The following FILIP1 variants were observed in gnomAD, a reference collection of about 807,000 sequenced individuals.
FILIP1 encodes the protein filamin-A-interacting protein 1.
FILIP1 carries 61 observed loss-of-function variants against 102.1 expected under a neutral mutation model. The observed-to-expected ratio is 0.60, with a 90% CI of 0.49 to 0.74. FILIP1 has a LOEUF of 0.74. FILIP1 is among the 30% of genes least tolerant of loss of function. The pLI is 0.00. For synonymous variants in FILIP1, 491 were observed against 526.9 expected, an observed-to-expected ratio of 0.93 and a Z score of 0.93; for missense variants, 1,314 against 1,441.2, an observed-to-expected ratio of 0.91 and a Z score of 1.43.
chr6:75,442,082 C>T lies in FILIP1; in HGVS notation c.-6-27104G>A, dbSNP rs533843247. 6.6e-5 allele frequency among the ~76,000 whole-genome samples: 10 copies of T among 151,306 alleles called. No homozygotes were observed. In the East Asian group the frequency reaches 7.9e-4, roughly 12 times the overall value. Reference sequence around the variant, plus strand: ...GGGGCTCCTCACTTCTCAGACGGGGCGGCCGGGCAGAGACGCTCCTCACCT... The same window carrying T: ...GGGGCTCCTCACTTCTCAGACGGGGTGGCCGGGCAGAGACGCTCCTCACCT... On this transcript the variant is annotated intron_variant, in intron 1 of 5. Coordinates refer to ENST00000237172, the MANE Select transcript of FILIP1 (RefSeq NM_015687.5).
chr6:75,295,915 T>C, exon 7 of FILIP1: 8 of 1,457,494 alleles, frequency 5.5e-6, no homozygotes, highest in Non-Finnish European at 7.2e-6. Context: ...CCATTTCATC[T>C]GGAGTTCATT....
chr6:75,372,785 A>AGAAG lies in FILIP1; in HGVS notation c.277-9869_277-9868insCTTC, dbSNP rs1775617253. Among the ~76,000 whole-genome samples the AGAAG allele has an allele frequency of 5.1e-5, 4 of 78,302 alleles. 1 individual carries two copies. The highest frequency in any genetic ancestry group is 1.1e-4 in the African/African-American group (2 of 18,108). 51.4% of individuals were successfully genotyped at this position (78,302 alleles called of 152,430 possible). On this transcript the variant is annotated intron_variant, in intron 2 of 5. Coordinates refer to ENST00000237172, the MANE Select transcript of FILIP1 (RefSeq NM_015687.5). ...AAGAAAGAAAGAAAGAAAGAAAGAA[A>AGAAG]GAAAGAAAGAAGGAAAGAAAGAAAG...
intron 2 of FILIP1, among the ~76,000 whole-genome samples, chr6:75,390,320 T>C (rs1434891195): frequency 3.9e-5 from 6 of 152,228 alleles, no homozygotes. Flanking sequence ...TCAGATAATA[T>C]TAATTATATC....
Position 75,314,450 on chromosome 6 carries a change from T to A in FILIP1, c.1382A>T (p.Asn461Ile). The change falls in exon 5 of 6, where the codon AAC becomes ATC. Residue 461 changes from asparagine to isoleucine, a missense_variant. Coordinates refer to ENST00000237172, the MANE Select transcript of FILIP1 (RefSeq NM_015687.5). ...TTCATTTAGCAGGTCTTTGGTTAAGTTCTTTTCTTTCTCCAGATTTAAATG... is the reference window on the plus strand; with the variant it reads ...TTCATTTAGCAGGTCTTTGGTTAAGATCTTTTCTTTCTCCAGATTTAAATG... ...QLHLNLEKEKNLTKDLLNELE... is the reference protein window; with the variant it reads ...QLHLNLEKEKILTKDLLNELE... The A allele has an allele frequency of 6.3e-7, 1 of 1,583,450 alleles. No individual in the cohort carries two copies. The highest frequency in any genetic ancestry group is 1.2e-5 in the South Asian group (1 of 84,386).
In FILIP1 at chr6:75,485,297, T is replaced by A. The variant is rs75899469; in HGVS notation, c.-7+8117A>T. ...AAACAGTATATTTGCTTCAGGAAGA[T>A]GTTTAGCCTGTCAGGTGAGTAGCAG... On this transcript the variant is annotated intron_variant, in intron 1 of 5. Transcript: ENST00000237172. Among the ~76,000 whole-genome samples the A allele has an allele frequency of 8.9e-3, 1,349 of 152,322 alleles. 50 individuals are homozygous for A. In the East Asian group the frequency reaches 0.12, roughly 14 times the overall value.
chr6:75,360,065 C>G lies in FILIP1; in HGVS notation c.450+2679G>C, dbSNP rs200589586. On this transcript the variant is annotated intron_variant, in intron 3 of 5. Transcript: ENST00000237172. The stretch of plus-strand genomic sequence containing the variant: ...CCTGCAGACAGGCTCCACCTAACCT[C>G]GAGCTTGCCATTTCCCATAATTATT... 9.6e-4 allele frequency among the ~76,000 whole-genome samples: 146 copies of G among 152,292 alleles called. 2 individuals are homozygous for G. In the East Asian group the frequency reaches 0.014, roughly 14 times the overall value.
rs552904391 is a variant in FILIP1 at position 75,373,787 on chromosome 6, T to A, written c.277-10870A>T. 2.6e-5 allele frequency among the ~76,000 whole-genome samples: 4 copies of A among 152,274 alleles called. No individual in the cohort carries two copies. The East Asian group carries it at 7.7e-4, about 29-fold the overall frequency. ...ACTGTAGGAAGCTGAGGCTGGTGGA[T>A]TTCTTGAGCCCAGGAGTTCAAGACC... On this transcript the variant is annotated intron_variant, in intron 2 of 5. Coordinates refer to ENST00000237172, the MANE Select transcript of FILIP1 (RefSeq NM_015687.5).
At chr6:75,417,837 T>G (rs948144369) in intron 1 of FILIP1, among the ~76,000 whole-genome samples, 2 of 152,192 alleles carry the variant, frequency 1.3e-5, no homozygotes, top group African/African-American at 4.8e-5. Flanking sequence ...TCCTTACGGC[T>G]TTCCTCGAAG....
chr6:75,428,935 T>G (rs1489669039), intron 1 of FILIP1, among the ~76,000 whole-genome samples: 2 of 152,180 alleles, frequency 1.3e-5, no homozygotes, highest in Admixed American at 6.5e-5. Context: ...TAGCTACATT[T>G]AGCTGGAGTT....
chr6:75,312,843 C>G lies in FILIP1; in HGVS notation c.2989G>C (p.Gly997Arg). Reference sequence around the variant, plus strand: ...GATGTGGGCCTGTCTGCAAATGCGCCTCTTCCACTTTCTGGAGTCTTCTCT... The same window carrying G: ...GATGTGGGCCTGTCTGCAAATGCGCGTCTTCCACTTTCTGGAGTCTTCTCT... ...SREKTPESGR[G>R]AFADRPTSPI... Residue 997 changes from glycine to arginine, a missense_variant, in exon 5 of 6, where the codon GGC becomes CGC. This residue lies in a region of FILIP1 where 816 missense variants were observed against 913.1 expected (regional missense o/e 0.89). Transcript: ENST00000237172. The G allele has an allele frequency of 6.2e-7, 1 of 1,614,208 alleles. No homozygotes were observed. The highest frequency in any genetic ancestry group is 8.5e-7 in the Non-Finnish European group (1 of 1,180,046).
chr6:75,359,571 A>C (rs1775112443), intron 3 of FILIP1, among the ~76,000 whole-genome samples: 1 of 152,248 alleles, frequency 6.6e-6, no homozygotes, highest in Non-Finnish European at 1.5e-5. Flanking sequence ...GGGAGTCCAC[A>C]TAATGAAGAA....
chr6:75,480,668 A>G (rs763408879), intron 1 of FILIP1, among the ~76,000 whole-genome samples: 8 of 152,226 alleles, frequency 5.3e-5, no homozygotes, highest in Non-Finnish European at 1.0e-4. Flanking sequence ...CAAACTTGTA[A>G]AAGTCCTACA....
At chr6:75,439,555 G>C (rs1176505472) in intron 1 of FILIP1, among the ~76,000 whole-genome samples, 1 of 152,218 alleles carries the variant, frequency 6.6e-6, no homozygotes, top group East Asian at 1.9e-4. Flanking sequence ...CTGTAAAACA[G>C]AGTATAGTCA....
intron 2 of FILIP1, among the ~76,000 whole-genome samples, chr6:75,372,367 C>CA (rs1224463218): frequency 0.016 from 788 of 48,488 alleles, 2 homozygotes; most frequent in Middle Eastern, 0.039. Context: ...AACTCTGTCT[C>CA]AAAAAAAAAA....
Position 75,403,741 on chromosome 6 carries a change from G to A in FILIP1, c.276+10956C>T, listed in dbSNP as rs1421485845. Among the ~76,000 whole-genome samples, 8 of 152,298 alleles carry A rather than the reference G, an allele frequency of 5.3e-5. 1 individual carries two copies. The South Asian group carries it at 1.7e-3, about 32-fold the overall frequency. On this transcript the variant is annotated intron_variant, in intron 2 of 5. Transcript: ENST00000237172. The stretch of plus-strand genomic sequence containing the variant: ...TCTAAAGATGAGATTTCATAGCTAA[G>A]AGGGAGATTTTTCAGACCAGTCTAA...
chr6:75,409,802 C>A (rs959654015), intron 2 of FILIP1, among the ~76,000 whole-genome samples: 4 of 151,902 alleles, frequency 2.6e-5, no homozygotes, highest in African/African-American at 9.7e-5. Context: ...ACTGACTGAC[C>A]CCACCTGGAC....
chr6:75,418,119 A>C (rs1777332336), intron 1 of FILIP1, among the ~76,000 whole-genome samples: 1 of 152,132 alleles, frequency 6.6e-6, no homozygotes, highest in African/African-American at 2.4e-5. Context: ...AATCACTTGA[A>C]CCTGGGAGAC....
Position 75,353,526 on chromosome 6 carries a change from G to A in FILIP1, c.629+13C>T, listed in dbSNP as rs1774881492. 5 of 1,613,772 alleles carry A rather than the reference G, an allele frequency of 3.1e-6. No individual in the cohort carries two copies. The South Asian group carries it at 5.5e-5, about 18-fold the overall frequency. On this transcript the variant is annotated intron_variant, in intron 4 of 5. Coordinates refer to ENST00000237172, the MANE Select transcript of FILIP1 (RefSeq NM_015687.5). ...GGCATCCAGATGTGACTGGTGGTGT[G>A]TGTGCACATTACCTCTCCCGCTCCT...
intron 2 of FILIP1, among the ~76,000 whole-genome samples, chr6:75,368,529 A>G (rs950781669): frequency 5.3e-5 from 8 of 152,218 alleles, no homozygotes; most frequent in Non-Finnish European, 7.3e-5. Flanking sequence ...ACAATATGAC[A>G]TAGTAAGCCT....
Sources: allele counts gnomAD v4.1 joint callset (sites outside exome capture counted in the v4.1 genomes callset), GRCh38; gene constraint gnomAD v4.1.1; regional missense constraint gnomAD v4.1.1; transcripts MANE v1.5; gene names NCBI Gene and HGNC (gene_info 2026-07-23, HGNC 2026-07-21).